Variants in CDH18 observed in about 807,000 individuals in gnomAD.
CDH18 encodes cadherin-18.
Under a neutral mutation model 67.9 loss-of-function variants are expected in CDH18, and 31 were observed. The ratio of observed to expected loss-of-function variants is 0.46; its 90% confidence interval spans 0.34 to 0.62. The LOEUF is 0.62. Among genes scored for constraint, CDH18 ranks in the 20% least tolerant of loss-of-function variants. The pLI is 0.01. For synonymous variants in CDH18, 362 were observed against 347.2 expected (o/e 1.04, Z -0.48); for missense variants, 890 against 975.5 (o/e 0.91, Z 1.17).
At chr5:20,066,526 C>G (rs1394002831) in intron 2 of CDH18, among the ~76,000 whole-genome samples, 1 of 152,020 alleles carries the variant, frequency 6.6e-6, no homozygotes, top group Non-Finnish European at 1.5e-5. Context: ...TTTCAAAGGA[C>G]TACCATTAAG....
intron 2 of CDH18, chr5:20,255,385 G>T (rs1159965265): frequency 6.6e-6 from 1 of 152,054 alleles, no homozygotes; most frequent in South Asian, 2.1e-4. Context: ...ATTTATTACA[G>T]AAATGTTTTA....
intron 2 of CDH18, among the ~76,000 whole-genome samples, chr5:20,060,471 GA>G (rs1017077104): frequency 6.7e-6 from 1 of 148,572 alleles, no homozygotes; most frequent in East Asian, 2.0e-4. Flanking sequence ...CTCAAAAAAA[GA>G]AAAAAAAAGA....
intron 2 of CDH18, among the ~76,000 whole-genome samples, chr5:19,888,953 C>T (rs1308346833): frequency 6.6e-6 from 1 of 152,064 alleles, no homozygotes; most frequent in Admixed American, 6.6e-5. Context: ...CATTCCAGGA[C>T]CCACCAGGGG....
At chr5:20,023,527 C>A (rs1054342232) in intron 2 of CDH18, among the ~76,000 whole-genome samples, 2 of 151,812 alleles carry the variant, frequency 1.3e-5, no homozygotes, top group Non-Finnish European at 2.9e-5. Flanking sequence ...GGCGTGGTGG[C>A]GGGCACCTGT....
chr5:19,499,688 G>A (rs1333443365), intron 11 of CDH18, among the ~76,000 whole-genome samples: 1 of 151,724 alleles, frequency 6.6e-6, no homozygotes, highest in Non-Finnish European at 1.5e-5. Flanking sequence ...CATAATTTAT[G>A]CATTTTTCAT....
At chr5:19,796,670 G>A (rs1278011368) in intron 3 of CDH18, among the ~76,000 whole-genome samples, 1 of 151,970 alleles carries the variant, frequency 6.6e-6, no homozygotes, top group African/African-American at 2.4e-5. Context: ...AATGCAATAG[G>A]CTGTTCTTTC....
intron 1 of CDH18, among the ~76,000 whole-genome samples, chr5:20,283,827 A>T (rs1363959820): frequency 6.6e-6 from 1 of 152,124 alleles, no homozygotes; most frequent in African/African-American, 2.4e-5. Flanking sequence ...TAGAATTCAC[A>T]ATTTCCAAGA....
intron 1 of CDH18, among the ~76,000 whole-genome samples, chr5:20,261,563 A>C (rs1484728635): frequency 6.6e-6 from 1 of 152,052 alleles, no homozygotes; most frequent in East Asian, 1.9e-4. Flanking sequence ...AAACGGTGAA[A>C]CCCCATCTCT....
chr5:19,477,896 C>T (rs969420563), intron 12 of CDH18, among the ~76,000 whole-genome samples: 27 of 151,960 alleles, frequency 1.8e-4, no homozygotes, highest in Admixed American at 1.8e-3. Context: ...TGGATTGAAA[C>T]TTGAATAAGC....
chr5:19,517,279 A>G (rs1007276729), intron 10 of CDH18, among the ~76,000 whole-genome samples: 28 of 152,226 alleles, frequency 1.8e-4, no homozygotes, highest in African/African-American at 6.7e-4. Flanking sequence ...TGTCCTTGTC[A>G]GTAAATGTCT....
intron 2 of CDH18, among the ~76,000 whole-genome samples, chr5:20,102,752 C>T (rs904827995): frequency 6.6e-6 from 1 of 151,856 alleles, no homozygotes; most frequent in African/African-American, 2.4e-5. Context: ...AGGAGGGGCT[C>T]CTGGGAAGGA....
chr5:19,607,340 T>C (rs947617133), intron 6 of CDH18, among the ~76,000 whole-genome samples: 2 of 151,286 alleles, frequency 1.3e-5, no homozygotes, highest in Non-Finnish European at 3.0e-5. Flanking sequence ...GGACTGAATA[T>C]ATAAGATGAC....
intron 2 of CDH18, among the ~76,000 whole-genome samples, chr5:19,943,246 A>G (rs181929474): frequency 2.0e-5 from 3 of 152,278 alleles, no homozygotes; most frequent in African/African-American, 7.2e-5. Flanking sequence ...GGATTTGACA[A>G]GCATATACAG....
At chr5:19,844,030 C>T (rs1782643687) in intron 2 of CDH18, among the ~76,000 whole-genome samples, 1 of 152,138 alleles carries the variant, frequency 6.6e-6, no homozygotes, top group Non-Finnish European at 1.5e-5. Context: ...AACTAACTTG[C>T]TTTTGATTTT....
At chr5:20,277,528 G>A (rs1745900309) in intron 1 of CDH18, among the ~76,000 whole-genome samples, 1 of 151,992 alleles carries the variant, frequency 6.6e-6, no homozygotes, top group South Asian at 2.1e-4. Flanking sequence ...TGAATACCTG[G>A]AAAGCCTTTC....
chr5:19,502,593 T>A (rs1743436522), intron 11 of CDH18: 1 of 373,386 alleles, frequency 2.7e-6, no homozygotes, highest in African/African-American at 2.1e-5. Flanking sequence ...ATAGCCTTGC[T>A]CATACAAGAT....
At chr5:20,172,106 C>T (rs2126649156) in intron 2 of CDH18, among the ~76,000 whole-genome samples, 1 of 145,252 alleles carries the variant, frequency 6.9e-6, no homozygotes, top group South Asian at 2.2e-4. Flanking sequence ...AGTCCCCCAC[C>T]CTAACCACTA....
At chr5:20,041,857 C>G (rs1352966264) in intron 2 of CDH18, among the ~76,000 whole-genome samples, 1 of 152,150 alleles carries the variant, frequency 6.6e-6, no homozygotes, top group African/African-American at 2.4e-5. Flanking sequence ...TTGAATCTAA[C>G]TAATCAAGCA....
chr5:20,334,210 G>T (rs1463504133), intron 1 of CDH18, among the ~76,000 whole-genome samples: 16 of 138,332 alleles, frequency 1.2e-4, no homozygotes, highest in African/African-American at 4.4e-4. Context: ...TCGGCTCACT[G>T]CAGGCTCCGC....
Sources: allele counts gnomAD v4.1 joint callset (sites outside exome capture counted in the v4.1 genomes callset), GRCh38; gene constraint gnomAD v4.1.1; transcripts MANE v1.5; gene names NCBI Gene and HGNC (gene_info 2026-07-23, HGNC 2026-07-21).